Variants in NIBAN2 observed in about 807,000 individuals in gnomAD.
NIBAN2 encodes the protein niban apoptosis regulator 2, also known as protein Niban 2.
Under a neutral mutation model 81.8 loss-of-function variants are expected in NIBAN2, and 36 were observed. The observed-to-expected ratio is 0.44, with a 90% CI of 0.34 to 0.58. The LOEUF is 0.58. Ranked by LOEUF, NIBAN2 falls within the 20% of genes least tolerant of loss-of-function variation. The probability of loss-of-function intolerance (pLI) is 0.02; values close to 1 mark genes in which losing one functional copy is unlikely to be tolerated. For synonymous variants in NIBAN2, 445 were observed against 441.6 expected, an observed-to-expected ratio of 1.01 and a Z score of -0.10; for missense variants, 897 against 1,014.1, an observed-to-expected ratio of 0.88 and a Z score of 1.57.
At chr9:127,550,024 C>T (rs1015736430) in intron 1 of NIBAN2, among the ~76,000 whole-genome samples, 3 of 152,164 alleles carry the variant, frequency 2.0e-5, no homozygotes, top group South Asian at 2.1e-4. Flanking sequence ...TCTGCTTCCC[C>T]GGGGGAGTCC....
chr9:127,527,128 T>C lies in NIBAN2; in HGVS notation c.315+66A>G. On this transcript the variant is annotated intron_variant, in intron 3 of 13. Coordinates refer to ENST00000373312, the MANE Select transcript of NIBAN2 (RefSeq NM_022833.4). ...GGCGTCTGGGGCCTAAGTTTCCGAG[T>C]TGGGGGAGGGGGCACACATGGAGAA... 20 of 1,585,234 alleles carry C rather than the reference T, an allele frequency of 1.3e-5. No individual in the cohort carries two copies. In the South Asian group the frequency reaches 2.0e-4, roughly 16 times the overall value.
chr9:127,554,709 C>CA (rs1343110635), intron 1 of NIBAN2, among the ~76,000 whole-genome samples: 1 of 151,886 alleles, frequency 6.6e-6, no homozygotes, highest in African/African-American at 2.4e-5. Context: ...CACAGGTGTG[C>CA]AACCCCATGC....
At chr9:127,568,684 C>A in intron 1 of NIBAN2, 136 bp downstream of exon 1, 1 of 745,224 alleles carries the variant, frequency 1.3e-6, no homozygotes, top group Non-Finnish European at 1.8e-6. Flanking sequence ...GCGGGGCACG[C>A]TCCCTGGCAG....
At chr9:127,526,474 C>T (rs1000533671) in intron 3 of NIBAN2, among the ~76,000 whole-genome samples, 1 of 151,856 alleles carries the variant, frequency 6.6e-6, no homozygotes, top group African/African-American at 2.4e-5. Context: ...TGGGGGAAAG[C>T]CCAGCACCGT....
chr9:127,541,801 G>A (rs1380870403), intron 1 of NIBAN2, among the ~76,000 whole-genome samples: 1 of 152,122 alleles, frequency 6.6e-6, no homozygotes, highest in African/African-American at 2.4e-5. Flanking sequence ...GTCCCTCCAT[G>A]AGCCATCCTT....
At chr9:127,568,162 C>A (rs1321640330) in intron 1 of NIBAN2, among the ~76,000 whole-genome samples, 1 of 152,160 alleles carries the variant, frequency 6.6e-6, no homozygotes, top group Non-Finnish European at 1.5e-5. Flanking sequence ...AAGGGGCTGG[C>A]GACTGGCCCT....
At position 127,568,992 on chromosome 9, in the gene NIBAN2, TCCC is replaced by T; in HGVS notation, c.-121_-119del. On this transcript the variant is annotated 5_prime_UTR_variant, in exon 1 of 14. Transcript: ENST00000373312. ...GCCCTGCTTCCCCCGCTCCCGCCGCTCCCGCCGCTCCCGCCGCCCGGCTGCGGC... is the reference window on the plus strand; with the variant it reads ...GCCCTGCTTCCCCCGCTCCCGCCGCTGCCGCTCCCGCCGCCCGGCTGCGGC... 1 of 1,109,032 alleles carries T rather than the reference TCCC, an allele frequency of 9.0e-7. No homozygotes were observed. Among genetic ancestry groups the T allele is most frequent in the Admixed American group, 5.3e-5 (1 of 18,792 alleles). 68.7% of individuals were successfully genotyped at this position (1,109,032 alleles called of 1,614,324 possible).
intron 9 of NIBAN2, among the ~76,000 whole-genome samples, chr9:127,509,458 C>T (rs1037205130): frequency 1.3e-5 from 2 of 152,168 alleles, no homozygotes; most frequent in Admixed American, 6.5e-5. Flanking sequence ...GTTTCCTCAG[C>T]TTCAAAATTG....
upstream of NIBAN2, among the ~76,000 whole-genome samples, chr9:127,569,557 G>A (rs1347638251): frequency 2.6e-5 from 4 of 151,950 alleles, no homozygotes; most frequent in African/African-American, 7.3e-5. Flanking sequence ...GCACTGGCAG[G>A]GGACGCCTGG....
In NIBAN2 at chr9:127,517,983, C is replaced by T. The variant is rs377744609; in HGVS notation, c.590-42G>A. ...GGGAGAGAGGAGGTCAGCAGATGGC[C>T]CAGTGGCCTCTACCAAGACCAACTG... On this transcript the variant is annotated intron_variant, in intron 5 of 13. Transcript: ENST00000373312. This position sits in a 1 kb window ranked among gnomAD's most constrained non-coding sequence, Gnocchi z 4.0. The T allele has an allele frequency of 5.3e-5, 73 of 1,366,802 alleles. No homozygotes were observed. In the African/African-American group the frequency reaches 8.8e-4, roughly 16 times the overall value. The allele number at this position is 1,366,802 out of a possible 1,614,324, so 84.7% of individuals were successfully genotyped here.
intron 2 of NIBAN2, among the ~76,000 whole-genome samples, chr9:127,528,191 C>T (rs1428432558): frequency 1.3e-5 from 2 of 152,178 alleles, no homozygotes; most frequent in African/African-American, 4.8e-5. Context: ...ACTGACTTAT[C>T]TGGGGATGGG....
In NIBAN2 at chr9:127,536,644, T is replaced by C. The variant is rs1197690178; in HGVS notation, c.56-4866A>G. 1.3e-5 allele frequency among the ~76,000 whole-genome samples: 2 copies of C among 152,168 alleles called. No homozygotes were observed. The highest frequency in any genetic ancestry group is 2.9e-5 in the Non-Finnish European group (2 of 68,022). On this transcript the variant is annotated intron_variant, in intron 1 of 13. Coordinates refer to ENST00000373312, the MANE Select transcript of NIBAN2 (RefSeq NM_022833.4). The surrounding 1 kb of genome is among the most constrained non-coding windows in gnomAD (Gnocchi z 4.0). ...CTGGAGACACCACACGCCACGGATT[T>C]GGGGCAGATGTTGGACAGGGCCTCC...
intron 1 of NIBAN2, among the ~76,000 whole-genome samples, chr9:127,562,044 C>T (rs1209557535): frequency 6.6e-6 from 1 of 152,010 alleles, no homozygotes; most frequent in Admixed American, 6.6e-5. Flanking sequence ...GCTCTGCCCG[C>T]GGGGAAGGAG....
At chr9:127,523,206 T>A (rs1232895875) in intron 5 of NIBAN2, among the ~76,000 whole-genome samples, 127 of 2,828 alleles carry the variant, frequency 0.045, 41 homozygotes, top group African/African-American at 0.12. Flanking sequence ...TATATATATA[T>A]ATATATATAT....
chr9:127,523,168 T>TA (rs1564301216), intron 5 of NIBAN2, among the ~76,000 whole-genome samples: 5 of 19,010 alleles, frequency 2.6e-4, no homozygotes, highest in Admixed American at 7.0e-4. Flanking sequence ...GTTGGTGGTT[T>TA]TAAAAAAAAA....
In NIBAN2 at chr9:127,508,797, G is replaced by A. The variant is rs554315679; in HGVS notation, c.1317+179C>T. Among the ~76,000 whole-genome samples, 2 of 151,976 alleles carry A rather than the reference G, an allele frequency of 1.3e-5. No individual in the cohort carries two copies. The highest frequency in any genetic ancestry group is 2.9e-5 in the Non-Finnish European group (2 of 67,974). ...GGGTCTCTAAGCTGAGACCTGGGAA[G>A]TGAGTCAGAATTAGCCAGGTGGGCA... On this transcript the variant is annotated intron_variant, in intron 10 of 13. Transcript: ENST00000373312. The surrounding 1 kb of genome is among the most constrained non-coding windows in gnomAD (Gnocchi z 6.4).
chr9:127,531,419 G>A (rs1837177706), intron 2 of NIBAN2, among the ~76,000 whole-genome samples: 1 of 152,114 alleles, frequency 6.6e-6, no homozygotes, highest in African/African-American at 2.4e-5. Flanking sequence ...GGGAGGCGGA[G>A]GTTGCAGTGA....
chr9:127,561,229 T>C, intron 1 of NIBAN2: 1 of 985,346 alleles, frequency 1.0e-6, no homozygotes, highest in Non-Finnish European at 1.2e-6. Context: ...AGGCTGGTGC[T>C]CCTCTGACCT....
intron 1 of NIBAN2, among the ~76,000 whole-genome samples, chr9:127,566,081 A>G (rs1837854524): frequency 6.6e-6 from 1 of 151,442 alleles, no homozygotes; most frequent in African/African-American, 2.4e-5. Context: ...GCAATTAGCT[A>G]TGATGATGCC....
Sources: allele counts gnomAD v4.1 joint callset (sites outside exome capture counted in the v4.1 genomes callset), GRCh38; gene constraint gnomAD v4.1.1; non-coding constraint Gnocchi (gnomAD v3.1); transcripts MANE v1.5; gene names NCBI Gene and HGNC (gene_info 2026-07-23, HGNC 2026-07-21).